Variants in MAP4K3 observed in about 807,000 individuals in gnomAD.
MAP4K3 encodes mitogen-activated protein kinase kinase kinase kinase 3.
In MAP4K3, 94 loss-of-function variants were observed where a neutral mutation model predicts 143.5. That is an observed-to-expected ratio of 0.65 (90% confidence interval 0.55 to 0.78). The LOEUF (loss-of-function observed/expected upper bound fraction) is 0.78, where lower values mean the gene tolerates loss of function less well. MAP4K3 is among the 30% of genes least tolerant of loss of function. MAP4K3 has a pLI of 0.00. For synonymous variants in MAP4K3, 416 were observed against 347.2 expected (o/e 1.20, Z -2.20); for missense variants, 1,077 against 1,068.1 (o/e 1.01, Z -0.12).
rs1681364491 is a variant in MAP4K3 at position 39,278,348 on chromosome 2, A to G, written c.1794+59T>C. 5.2e-6 allele frequency: 5 copies of G among 957,784 alleles called. No individual in the cohort carries two copies. In the South Asian group the frequency reaches 6.3e-5, roughly 12 times the overall value. 59.3% of individuals were successfully genotyped at this position (957,784 alleles called of 1,614,324 possible). On this transcript the variant is annotated intron_variant, in intron 24 of 33. Coordinates refer to ENST00000263881, the MANE Select transcript of MAP4K3 (RefSeq NM_003618.4). Reference sequence around the variant, plus strand: ...TGAAACTGAACCTTATTTCTGGTCTAATGTGTACTTATGGTAACTTAAAAA... The same window carrying G: ...TGAAACTGAACCTTATTTCTGGTCTGATGTGTACTTATGGTAACTTAAAAA...
At chr2:39,384,997 T>C (rs916630322) in intron 1 of MAP4K3, among the ~76,000 whole-genome samples, 26 of 152,236 alleles carry the variant, frequency 1.7e-4, no homozygotes, top group Non-Finnish European at 3.4e-4. Context: ...TCATTCATTA[T>C]ATAACATCTT....
At chr2:39,343,858 A>G (rs1337427973) in intron 3 of MAP4K3, among the ~76,000 whole-genome samples, 2 of 152,174 alleles carry the variant, frequency 1.3e-5, no homozygotes, top group African/African-American at 4.8e-5. Context: ...TGTTAGCTTC[A>G]TATCTAGATT....
chr2:39,260,690 C>G lies in MAP4K3; in HGVS notation c.2224G>C (p.Val742Leu). The G allele has an allele frequency of 6.2e-7, 1 of 1,613,932 alleles. No homozygotes were observed. Among genetic ancestry groups the G allele is most frequent in the East Asian group, 2.2e-5 (1 of 44,876 alleles). The stretch of plus-strand genomic sequence containing the variant: ...TGGTTGAAGTCTCTACCTCTACTGA[C>G]ACCAACACAAACTAAAGGGTACTCC... ...EQEYPLVCVG[V>L]SRGRDFNQVV... Residue 742 changes from valine (V) to leucine (L), a missense_variant, in exon 29 of 34, where the codon GTC becomes CTC. This residue lies in a region of MAP4K3 where 864 missense variants were observed against 801.2 expected (regional missense o/e 1.08). Coordinates refer to ENST00000263881, the MANE Select transcript of MAP4K3 (RefSeq NM_003618.4).
chr2:39,276,409 G>C (rs1325561435), intron 24 of MAP4K3, among the ~76,000 whole-genome samples: 1 of 152,140 alleles, frequency 6.6e-6, no homozygotes, highest in Non-Finnish European at 1.5e-5. Context: ...GTCAATTCTA[G>C]ATCTCTGATC....
chr2:39,282,510 T>TA lies in MAP4K3; in HGVS notation c.1629+2dup. Reference sequence around the variant, plus strand: ...CTTAGCCTACTCCATATTTAGTACTTACATGCACTTTAGGTGTTGGAGGAA... The same window carrying TA: ...CTTAGCCTACTCCATATTTAGTACTTAACATGCACTTTAGGTGTTGGAGGAA... On this transcript the variant is annotated splice_region_variant and intron_variant, in intron 22 of 33. Coordinates refer to ENST00000263881, the MANE Select transcript of MAP4K3 (RefSeq NM_003618.4). The TA allele has an allele frequency of 6.2e-7, 1 of 1,610,012 alleles. No individual in the cohort carries two copies. Among genetic ancestry groups the TA allele is most frequent in the South Asian group, 1.1e-5 (1 of 90,562 alleles).
intron 12 of MAP4K3, 180 bp from the exon 13 acceptor site, chr2:39,315,568 G>GA (rs1683090020): frequency 1.9e-6 from 1 of 517,586 alleles, no homozygotes; most frequent in Non-Finnish European, 3.4e-6. Context: ...ACTATTAGGT[G>GA]AAAAAATATT....
At chr2:39,302,732 A>T (rs1429301825) in intron 15 of MAP4K3, among the ~76,000 whole-genome samples, 2 of 152,370 alleles carry the variant, frequency 1.3e-5, no homozygotes, top group East Asian at 3.9e-4. Context: ...CTAATCAGGC[A>T]TCAACTTGTT....
intron 4 of MAP4K3, among the ~76,000 whole-genome samples, chr2:39,339,564 C>G (rs1665081074): frequency 6.6e-6 from 1 of 152,238 alleles, no homozygotes; most frequent in East Asian, 1.9e-4. Flanking sequence ...TACATGGGTA[C>G]AGAAGACAAG....
rs1665007041 is a variant in MAP4K3, at chr2:39,337,689, C to A, written c.311-108G>T. 4 of 560,544 alleles carry A rather than the reference C, an allele frequency of 7.1e-6. No individual in the cohort carries two copies. In the South Asian group the frequency reaches 9.0e-5, roughly 13 times the overall value. The allele number at this position is 560,544 out of a possible 1,614,324, so 34.7% of individuals were successfully genotyped here. ...ACAGACTTAATATCCCTAAACAATTCTACTGAAATGTAAGCTAGGACTACA... is the reference window on the plus strand; with the variant it reads ...ACAGACTTAATATCCCTAAACAATTATACTGAAATGTAAGCTAGGACTACA... On this transcript the variant is annotated intron_variant, in intron 4 of 33. Coordinates refer to ENST00000263881, the MANE Select transcript of MAP4K3 (RefSeq NM_003618.4).
intron 2 of MAP4K3, among the ~76,000 whole-genome samples, chr2:39,364,259 T>C (rs1665858430): frequency 6.6e-6 from 1 of 152,154 alleles, no homozygotes; most frequent in Non-Finnish European, 1.5e-5. Context: ...AAGTAAGAAT[T>C]AGGAGTTGCT....
At chr2:39,363,482 A>G (rs564220963) in intron 2 of MAP4K3, among the ~76,000 whole-genome samples, 36 of 152,192 alleles carry the variant, frequency 2.4e-4, no homozygotes, top group Non-Finnish European at 2.9e-4. Flanking sequence ...AGCCTGGCCA[A>G]CATGGCAAAG....
At chr2:39,272,629 T>C in intron 24 of MAP4K3, 87 bp from the exon 25 acceptor site, 1 of 1,006,714 alleles carries the variant, frequency 9.9e-7, no homozygotes, top group East Asian at 2.4e-5. Context: ...AGCTGTCTTA[T>C]CTACAGGTCA....
In MAP4K3 at chr2:39,258,692, A is replaced by G. The variant is rs995628215; in HGVS notation, c.2309-105T>C. 5.9e-6 allele frequency: 5 copies of G among 840,400 alleles called. No homozygotes were observed. The Admixed American group carries it at 9.8e-5, about 16-fold the overall frequency. 52.1% of individuals were successfully genotyped at this position (840,400 alleles called of 1,614,324 possible). ...GAGGATAACAATACTTGAAACGGAT[A>G]TGTCTTCTGTAATACACATGTAGTG... On this transcript the variant is annotated intron_variant, in intron 29 of 33. Transcript: ENST00000263881.
intron 15 of MAP4K3, among the ~76,000 whole-genome samples, chr2:39,307,441 T>C (rs1459268592): frequency 6.6e-6 from 1 of 152,014 alleles, no homozygotes; most frequent in Non-Finnish European, 1.5e-5. Flanking sequence ...AATGATTTCA[T>C]TGTTAATGTA....
At chr2:39,280,495 G>A (rs1681468402) in intron 22 of MAP4K3, 139 bp from the exon 23 acceptor site, 2 of 420,954 alleles carry the variant, frequency 4.8e-6, no homozygotes, top group Admixed American at 8.5e-5. Context: ...ATTTACAGAA[G>A]TAAGTGTAAG....
At chr2:39,411,887 C>T (rs1243732082) in intron 1 of MAP4K3, among the ~76,000 whole-genome samples, 1 of 152,198 alleles carries the variant, frequency 6.6e-6, no homozygotes, top group East Asian at 1.9e-4. Flanking sequence ...GAAGCTTAAA[C>T]ACTTGACAAC....
In MAP4K3 at chr2:39,337,590, G is replaced by C. The variant is rs778859477; in HGVS notation, c.311-9C>G. ...TGACAGAGGTCCAGTTACTGTAAAA[G>C]AAGACAATTAATACTCATAAAATTA... On this transcript the variant is annotated splice_polypyrimidine_tract_variant and intron_variant, in intron 4 of 33. Transcript: ENST00000263881. 1 of 1,597,924 alleles carries C rather than the reference G, an allele frequency of 6.3e-7. No individual in the cohort carries two copies. Among genetic ancestry groups the C allele is most frequent in the South Asian group, 1.1e-5 (1 of 90,510 alleles).
intron 1 of MAP4K3, among the ~76,000 whole-genome samples, chr2:39,403,688 T>C (rs1393077215): frequency 1.3e-5 from 2 of 151,852 alleles, no homozygotes; most frequent in African/African-American, 4.8e-5. Context: ...TTAGGCAAAG[T>C]CGTAGGGCTG....
At chr2:39,293,197 A>T in intron 17 of MAP4K3, 33 bp downstream of exon 17, 1 of 1,445,782 alleles carries the variant, frequency 6.9e-7, no homozygotes, top group South Asian at 1.3e-5. Flanking sequence ...TGTCTGTGAC[A>T]TAAAGTACTT....
Sources: allele counts gnomAD v4.1 joint callset (sites outside exome capture counted in the v4.1 genomes callset), GRCh38; gene constraint gnomAD v4.1.1; regional missense constraint gnomAD v4.1.1; transcripts MANE v1.5; gene names NCBI Gene and HGNC (gene_info 2026-07-23, HGNC 2026-07-21).